Variants in IL1RAPL1 observed in about 807,000 individuals in gnomAD.
IL1RAPL1 encodes the protein interleukin-1 receptor accessory protein-like 1.
Under a neutral mutation model 48.4 loss-of-function variants are expected in IL1RAPL1, and 3 were observed. That is an observed-to-expected ratio of 0.06 (90% CI 0.03 to 0.16). The LOEUF is 0.16. Among genes scored for constraint, IL1RAPL1 ranks in the 10% least tolerant of loss-of-function variants. The probability of loss-of-function intolerance (pLI) is 1.00; values close to 1 mark genes in which losing one functional copy is unlikely to be tolerated. For missense variants in IL1RAPL1, 349 were observed against 530.6 expected, an observed-to-expected ratio of 0.66 and a Z score of 3.36; for synonymous variants, 185 against 187.7, an observed-to-expected ratio of 0.99 and a Z score of 0.12.
intron 6 of IL1RAPL1, among the ~76,000 whole-genome samples, chrX:29,830,712 C>G (rs766956210): frequency 9.0e-6 from 1 of 111,099 alleles, no homozygotes; most frequent in South Asian, 3.8e-4. Flanking sequence ...CTCGGCCTCC[C>G]AAAGTGCTGG....
At chrX:29,110,834 C>T (rs748891996) in intron 2 of IL1RAPL1, among the ~76,000 whole-genome samples, 28 of 110,856 alleles carry the variant, frequency 2.5e-4, no homozygotes, top group Admixed American at 8.7e-4. Flanking sequence ...GCCAGGATTC[C>T]AACAGCCTCA....
At chrX:29,924,583 G>C (rs1932870748) in intron 8 of IL1RAPL1, among the ~76,000 whole-genome samples, 2 of 112,063 alleles carry the variant, frequency 1.8e-5, no homozygotes, top group South Asian at 7.4e-4. Flanking sequence ...CATTCCTAAT[G>C]TATGATTGTG....
intron 2 of IL1RAPL1, among the ~76,000 whole-genome samples, chrX:29,193,591 TAG>T (rs772761837): frequency 4.3e-4 from 48 of 110,845 alleles, no homozygotes; most frequent in African/African-American, 1.5e-3. Flanking sequence ...AATTATTCTA[TAG>T]ATATAGTGTA....
chrX:29,869,235 G>A (rs1184596505), intron 6 of IL1RAPL1, among the ~76,000 whole-genome samples: 5 of 112,128 alleles, frequency 4.5e-5, no homozygotes, highest in African/African-American at 1.6e-4. Flanking sequence ...TGATAACTGA[G>A]AGATTAATTT....
rs1929052048 is a variant in IL1RAPL1, at chrX:29,770,973, A to G, written c.778+102469A>G. On this transcript the variant is annotated intron_variant, in intron 6 of 10. Transcript: ENST00000378993. ...CTATGGAAGTGTTAACTCCATTCCA[A>G]TATCCATAGTTCAAGCAAATTGTTG... Among the ~76,000 whole-genome samples the G allele has an allele frequency of 2.7e-5, 3 of 111,927 alleles. No homozygotes were observed. In the South Asian group the frequency reaches 1.1e-3, roughly 41 times the overall value.
chrX:29,150,492 A>G (rs1487850796), intron 2 of IL1RAPL1, among the ~76,000 whole-genome samples: 1 of 111,726 alleles, frequency 9.0e-6, no homozygotes, highest in Non-Finnish European at 1.9e-5. Context: ...AGATGGGGAC[A>G]AGGGGAACCA....
intron 2 of IL1RAPL1, among the ~76,000 whole-genome samples, chrX:28,900,028 A>G (rs965858437): frequency 1.2e-4 from 13 of 112,048 alleles, no homozygotes; most frequent in African/African-American, 3.9e-4. Context: ...CTTGATTACC[A>G]GCTAAACTGT....
chrX:29,101,179 C>T (rs1481900306), intron 2 of IL1RAPL1, among the ~76,000 whole-genome samples: 6 of 111,707 alleles, frequency 5.4e-5, no homozygotes, highest in Admixed American at 9.5e-5. Context: ...ACATTACAAC[C>T]GATACCGCAG....
At chrX:29,720,544 G>T (rs963975150) in intron 6 of IL1RAPL1, among the ~76,000 whole-genome samples, 7 of 110,969 alleles carry the variant, frequency 6.3e-5, no homozygotes, top group African/African-American at 1.3e-4. Flanking sequence ...ATAAGTGGGA[G>T]TTGAACAATG....
intron 6 of IL1RAPL1, among the ~76,000 whole-genome samples, chrX:29,742,373 G>C (rs1236301975): frequency 1.8e-5 from 2 of 110,113 alleles, no homozygotes; most frequent in Non-Finnish European, 3.8e-5. Flanking sequence ...TTTACTTTAA[G>C]ACTCACAAAG....
At chrX:29,710,479 A>G (rs6526921) in intron 6 of IL1RAPL1, among the ~76,000 whole-genome samples, 13,301 of 107,796 alleles carry the variant, frequency 0.12, 1,323 homozygotes, top group African/African-American at 0.32. Flanking sequence ...TTATTGATTT[A>G]CATGATTTTT....
chrX:28,972,513 C>T (rs933516407), intron 2 of IL1RAPL1, among the ~76,000 whole-genome samples: 3 of 110,328 alleles, frequency 2.7e-5, no homozygotes, highest in Non-Finnish European at 5.7e-5. Context: ...CTGAGGCGGG[C>T]GGATCACAAG....
At chrX:29,400,112 G>A (rs1452212559) in intron 5 of IL1RAPL1, among the ~76,000 whole-genome samples, 1 of 111,754 alleles carries the variant, frequency 8.9e-6, no homozygotes, top group Non-Finnish European at 1.9e-5. Flanking sequence ...TATGTGAGAT[G>A]TGATGCATAG....
chrX:29,579,722 A>T (rs55749095), intron 5 of IL1RAPL1, among the ~76,000 whole-genome samples: 15,173 of 111,036 alleles, frequency 0.14, 1,232 homozygotes, highest in African/African-American at 0.29. Context: ...CTTTAAATGA[A>T]TATTCCTCTA....
At chrX:28,603,520 T>C (rs1934050038) in intron 1 of IL1RAPL1, among the ~76,000 whole-genome samples, 1 of 112,102 alleles carries the variant, frequency 8.9e-6, no homozygotes, top group African/African-American at 3.2e-5. Context: ...AATTTATTAT[T>C]TTTAAATGTA....
chrX:29,853,327 G>GA (rs1321766048), intron 6 of IL1RAPL1, among the ~76,000 whole-genome samples: 2 of 106,587 alleles, frequency 1.9e-5, no homozygotes, highest in East Asian at 5.9e-4. Flanking sequence ...ACCCAGTCTC[G>GA]AAAAAAAGAA....
At position 28,731,223 on chromosome X, in the gene IL1RAPL1, A is replaced by G. The variant is rs746679483; in HGVS notation, c.-24-58097A>G. Among the ~76,000 whole-genome samples, 324 of 111,048 alleles carry G rather than the reference A, an allele frequency of 2.9e-3. 1 individual carries two copies. The highest frequency in any genetic ancestry group is 4.9e-3 in the Non-Finnish European group (260 of 52,973). The stretch of plus-strand genomic sequence containing the variant: ...TTCATTTTGATTTTTTTTCTTTTTC[A>G]TCATTATAAAAAAAACATCCTAAGG... On this transcript the variant is annotated intron_variant, in intron 1 of 10. Transcript: ENST00000378993.
chrX:28,607,578 C>T (rs1310801186), intron 1 of IL1RAPL1, among the ~76,000 whole-genome samples: 1 of 111,079 alleles, frequency 9.0e-6, no homozygotes, highest in Non-Finnish European at 1.9e-5. Flanking sequence ...GAATGGCAAA[C>T]TCCACGTAAT....
At chrX:29,575,279 A>G (rs1451975100) in intron 5 of IL1RAPL1, among the ~76,000 whole-genome samples, 4 of 111,983 alleles carry the variant, frequency 3.6e-5, no homozygotes, top group Non-Finnish European at 7.5e-5. Context: ...ACTGGCTCAC[A>G]TGAACCCAAG....
Sources: gnomAD v4.1 joint callset for allele counts (sites outside exome capture counted in the v4.1 genomes callset) on GRCh38, gnomAD v4.1.1 for gene constraint, MANE v1.5 for transcripts, NCBI Gene and HGNC (gene_info 2026-07-23, HGNC 2026-07-21) for gene names.